The following TCF12 variants were observed in gnomAD, a reference collection of about 807,000 sequenced individuals.
TCF12 encodes the protein transcription factor 12, also known as DNA-binding protein HTF4.
In TCF12, 45 loss-of-function variants were observed where a neutral mutation model predicts 86.0. The observed-to-expected ratio is 0.52, with a 90% confidence interval of 0.41 to 0.67. The LOEUF (loss-of-function observed/expected upper bound fraction) is 0.67, where lower values mean the gene tolerates loss of function less well. Among genes scored for constraint, TCF12 ranks in the 30% least tolerant of loss-of-function variants. The pLI is 0.00. For missense variants in TCF12, 881 were observed against 859.9 expected, an observed-to-expected ratio of 1.02 and a Z score of -0.31; for synonymous variants, 330 against 299.6, an observed-to-expected ratio of 1.10 and a Z score of -1.05.
chr15:57,043,224 G>A (rs974350553), intron 3 of TCF12, among the ~76,000 whole-genome samples: 4 of 151,726 alleles, frequency 2.6e-5, no homozygotes, highest in Non-Finnish European at 5.9e-5. Context: ...CTACATTTTG[G>A]CTATTCATAT....
intron 3 of TCF12, among the ~76,000 whole-genome samples, chr15:56,966,548 ACT>A (rs1490522398): frequency 1.3e-5 from 2 of 151,122 alleles, no homozygotes; most frequent in African/African-American, 4.9e-5. Context: ...CTTTGTTGAA[ACT>A]CTTTTTCTAT....
At chr15:57,119,520 C>G (rs534652419) in intron 5 of TCF12, among the ~76,000 whole-genome samples, 1 of 146,612 alleles carries the variant, frequency 6.8e-6, no homozygotes, top group Non-Finnish European at 1.5e-5. Context: ...TTTGAGACTC[C>G]GTAGTCAAGT....
At chr15:57,265,538 G>C (rs1255539258) in intron 18 of TCF12, among the ~76,000 whole-genome samples, 1 of 152,102 alleles carries the variant, frequency 6.6e-6, no homozygotes, top group African/African-American at 2.4e-5. Flanking sequence ...TTATTTTTAT[G>C]AGTCTTTCTT....
At chr15:57,208,870 T>A (rs1029623345) in intron 8 of TCF12, among the ~76,000 whole-genome samples, 1 of 151,888 alleles carries the variant, frequency 6.6e-6, no homozygotes, top group Admixed American at 6.6e-5. Context: ...CACATGCCAC[T>A]ACACCTGGCT....
rs151334381 is a variant in TCF12, at chr15:56,983,294, G to A, written c.148+62196G>A. Among the ~76,000 whole-genome samples, 630 of 152,262 alleles carry A rather than the reference G, an allele frequency of 4.1e-3. 2 individuals are homozygous for A. The highest frequency in any genetic ancestry group is 6.8e-3 in the Non-Finnish European group (461 of 68,018). ...TTAGAGAGAGAAGTTAAAGACATGAGCCTTATTGTGGCTTGTTTGCTTCCT... is the reference window on the plus strand; with the variant it reads ...TTAGAGAGAGAAGTTAAAGACATGAACCTTATTGTGGCTTGTTTGCTTCCT... On this transcript the variant is annotated intron_variant, in intron 3 of 20. Transcript: ENST00000333725.
At chr15:57,232,121 C>T (rs1457683160) in intron 9 of TCF12, among the ~76,000 whole-genome samples, 170 bp from the exon 10 acceptor site, 1 of 152,016 alleles carries the variant, frequency 6.6e-6, no homozygotes, top group Non-Finnish European at 1.5e-5. Flanking sequence ...TTAATTTCTT[C>T]TTTTTAAATA....
At chr15:56,974,443 C>T (rs1261020962) in intron 3 of TCF12, among the ~76,000 whole-genome samples, 1 of 152,018 alleles carries the variant, frequency 6.6e-6, no homozygotes, top group Non-Finnish European at 1.5e-5. Context: ...TTTCTGTACT[C>T]TTGCAAATTA....
intron 8 of TCF12, among the ~76,000 whole-genome samples, chr15:57,207,452 C>T (rs182334509): frequency 2.6e-5 from 4 of 152,284 alleles, no homozygotes; most frequent in Non-Finnish European, 4.4e-5. Flanking sequence ...AGGCGGATCA[C>T]TTAAGGTCAG....
intron 5 of TCF12, among the ~76,000 whole-genome samples, chr15:57,117,021 T>C (rs751128622): frequency 6.6e-6 from 1 of 152,186 alleles, no homozygotes; most frequent in Non-Finnish European, 1.5e-5. Context: ...GTTTGTTCTT[T>C]TAATGACACT....
chr15:56,921,521 A>G (rs2059792269), intron 3 of TCF12, among the ~76,000 whole-genome samples: 1 of 151,930 alleles, frequency 6.6e-6, no homozygotes, highest in Admixed American at 6.5e-5. Flanking sequence ...AAAACATCCC[A>G]TTTTTCTTAA....
chr15:56,920,604 C>T (rs1219697491), intron 2 of TCF12, among the ~76,000 whole-genome samples: 1 of 151,852 alleles, frequency 6.6e-6, no homozygotes, highest in Non-Finnish European at 1.5e-5. Context: ...CCTTTATTAA[C>T]TGCTGTTAGG....
intron 7 of TCF12, among the ~76,000 whole-genome samples, chr15:57,195,524 A>G (rs1208977451): frequency 4.6e-5 from 7 of 152,142 alleles, no homozygotes; most frequent in Non-Finnish European, 1.0e-4. Flanking sequence ...AGTGTGCCAG[A>G]TGTTGTTCAT....
Position 57,047,037 on chromosome 15 carries a change from A to G in TCF12, c.149-16713A>G, listed in dbSNP as rs145199080. On this transcript the variant is annotated intron_variant, in intron 3 of 20. Transcript: ENST00000333725. ...CTAAACTACGCCTTTCGTCTTTACAAGTTCTTTAGTTTGAAAGTTTTAAAG... is the reference window on the plus strand; with the variant it reads ...CTAAACTACGCCTTTCGTCTTTACAGGTTCTTTAGTTTGAAAGTTTTAAAG... Among the ~76,000 whole-genome samples, 524 of 152,332 alleles carry G rather than the reference A, an allele frequency of 3.4e-3. 7 individuals are homozygous for G. Among genetic ancestry groups the G allele is most frequent in the African/African-American group, 0.012 (494 of 41,578 alleles).
chr15:57,094,706 T>C (rs2049205474), intron 5 of TCF12, among the ~76,000 whole-genome samples: 1 of 152,210 alleles, frequency 6.6e-6, no homozygotes, highest in South Asian at 2.1e-4. Context: ...CTGTGCATGA[T>C]GAATGTTCAG....
At position 57,286,456 on chromosome 15, in the gene TCF12, TG is replaced by T. The variant is rs1332863374; in HGVS notation, c.*313del. On this transcript the variant is annotated 3_prime_UTR_variant, in exon 21 of 21. Coordinates refer to ENST00000333725, the MANE Select transcript of TCF12 (RefSeq NM_207037.2). ...ACTGTCTCGATCTCTCCACTCACCGTGGAAGTTGCCTTGTGCCTAAACTGAA... is the reference window on the plus strand; with the variant it reads ...ACTGTCTCGATCTCTCCACTCACCGTGAAGTTGCCTTGTGCCTAAACTGAA... 1 of 358,596 alleles carries T rather than the reference TG, an allele frequency of 2.8e-6. No homozygotes were observed. Among genetic ancestry groups the T allele is most frequent in the African/African-American group, 2.1e-5 (1 of 46,998 alleles). The allele number at this position is 358,596 out of a possible 1,614,324, so 22.2% of individuals were successfully genotyped here.
At chr15:57,135,279 AAG>A (rs2052438242) in intron 5 of TCF12, among the ~76,000 whole-genome samples, 1 of 152,232 alleles carries the variant, frequency 6.6e-6, no homozygotes, top group African/African-American at 2.4e-5. Context: ...TAATTGGAAA[AAG>A]AACTTTTTTT....
chr15:57,251,303 G>C (rs1339172613), intron 13 of TCF12, 47 bp from the exon 14 acceptor site: 4 of 1,486,280 alleles, frequency 2.7e-6, no homozygotes, highest in Non-Finnish European at 3.8e-6. Flanking sequence ...ACATTATCAA[G>C]ATCACTGAGT....
At chr15:57,247,107 C>G (rs2059900012) in intron 13 of TCF12, 1 of 572,680 alleles carries the variant, frequency 1.7e-6, no homozygotes, top group African/African-American at 1.9e-5. Context: ...CCCACCACCA[C>G]CGTAGTTACC....
intron 4 of TCF12, among the ~76,000 whole-genome samples, chr15:57,089,604 A>G (rs1338468605): frequency 7.3e-6 from 1 of 136,432 alleles, no homozygotes; most frequent in Non-Finnish European, 1.6e-5. Context: ...TTTTTTTTTA[A>G]CTGTAGTGTT....
Sources: gnomAD v4.1 joint callset for allele counts (sites outside exome capture counted in the v4.1 genomes callset) on GRCh38, gnomAD v4.1.1 for gene constraint, MANE v1.5 for transcripts, NCBI Gene and HGNC (gene_info 2026-07-23, HGNC 2026-07-21) for gene names.